Variants in STX18 observed in about 807,000 individuals in gnomAD.
STX18 encodes the protein syntaxin-18.
STX18 carries 40 observed loss-of-function variants against 50.1 expected under a neutral mutation model. That is an observed-to-expected ratio of 0.80 (90% confidence interval 0.62 to 1.04). The LOEUF is 1.04. Among genes scored for constraint, STX18 ranks in the 50% least tolerant of loss-of-function variants. The pLI is 0.00. For missense variants in STX18, 410 were observed against 415.8 expected, an observed-to-expected ratio of 0.99 and a Z score of 0.12; for synonymous variants, 158 against 151.8, an observed-to-expected ratio of 1.04 and a Z score of -0.30.
chr4:4,480,305 C>T (rs973729901), intron 1 of STX18, among the ~76,000 whole-genome samples: 1 of 152,202 alleles, frequency 6.6e-6, no homozygotes, highest in African/African-American at 2.4e-5. Context: ...ACATTACCTT[C>T]CCCTTTAACC....
chr4:4,523,756 C>T (rs1730626075), intron 1 of STX18, among the ~76,000 whole-genome samples: 1 of 152,206 alleles, frequency 6.6e-6, no homozygotes, highest in Non-Finnish European at 1.5e-5. Flanking sequence ...CTGCCGAATC[C>T]ACCAACTGCC....
intron 1 of STX18, among the ~76,000 whole-genome samples, chr4:4,500,398 C>G (rs1729392057): frequency 6.6e-6 from 1 of 152,128 alleles, no homozygotes; most frequent in Non-Finnish European, 1.5e-5. Flanking sequence ...TGTTACTATT[C>G]TCTAACCAAA....
chr4:4,516,787 A>G (rs1240254356), intron 1 of STX18, among the ~76,000 whole-genome samples: 2 of 152,188 alleles, frequency 1.3e-5, no homozygotes, highest in East Asian at 1.9e-4. Context: ...AAAAAAAGAG[A>G]AAAACTCCAA....
At chr4:4,460,594 C>A (rs62289814) in intron 2 of STX18, among the ~76,000 whole-genome samples, 1 of 152,100 alleles carries the variant, frequency 6.6e-6, no homozygotes, top group Non-Finnish European at 1.5e-5. Flanking sequence ...ATCCCACGGC[C>A]CCTACCCCAC....
chr4:4,471,381 GTTTCA>G (rs779108951), intron 2 of STX18, among the ~76,000 whole-genome samples: 10 of 152,192 alleles, frequency 6.6e-5, no homozygotes, highest in Admixed American at 5.2e-4. Flanking sequence ...TACTCATGGA[GTTTCA>G]TTTGACAGGA....
chr4:4,421,856 C>T (rs1185229560), intron 9 of STX18, among the ~76,000 whole-genome samples: 3 of 152,146 alleles, frequency 2.0e-5, no homozygotes, highest in Non-Finnish European at 4.4e-5. Flanking sequence ...TTACAGAAAA[C>T]GTTTACTCCA....
At chr4:4,508,988 T>C (rs1166525902) in intron 1 of STX18, among the ~76,000 whole-genome samples, 6 of 152,234 alleles carry the variant, frequency 3.9e-5, no homozygotes, top group African/African-American at 9.6e-5. Context: ...GTTGATTCCA[T>C]GTCTTTGCTA....
At chr4:4,423,682 A>C (rs1321057664) in intron 8 of STX18, 95 bp from the exon 9 acceptor site, 6 of 1,239,140 alleles carry the variant, frequency 4.8e-6, no homozygotes, top group Non-Finnish European at 6.6e-6. Context: ...CTTCTACGTG[A>C]AGGTGGGAGA....
In STX18 at chr4:4,419,894, CT is replaced by C; in HGVS notation, c.*139del. Reference sequence around the variant, plus strand: ...GGGTATCCCTTTTTGGGGAATACGTCTGTCTGTCTGAACTCCTTTCCCTTCA... The same window carrying C: ...GGGTATCCCTTTTTGGGGAATACGTCGTCTGTCTGAACTCCTTTCCCTTCA... On this transcript the variant is annotated 3_prime_UTR_variant, in exon 11 of 11. Coordinates refer to ENST00000306200, the MANE Select transcript of STX18 (RefSeq NM_016930.4). The C allele has an allele frequency of 1.4e-6, 1 of 707,606 alleles. No individual in the cohort carries two copies. Among genetic ancestry groups the C allele is most frequent in the Non-Finnish European group, 2.4e-6 (1 of 423,384 alleles). 43.8% of individuals were successfully genotyped at this position (707,606 alleles called of 1,614,324 possible).
chr4:4,439,692 A>G (rs1308233266), intron 5 of STX18, among the ~76,000 whole-genome samples: 1 of 151,922 alleles, frequency 6.6e-6, no homozygotes. Context: ...AATATAAGTT[A>G]GCTCTGAAAG....
At chr4:4,467,597 A>G (rs1727683439) in intron 2 of STX18, among the ~76,000 whole-genome samples, 1 of 152,160 alleles carries the variant, frequency 6.6e-6, no homozygotes, top group Admixed American at 6.5e-5. Context: ...CTATGCTTTC[A>G]TTGCCTGCCT....
At chr4:4,517,955 A>G (rs751042540) in intron 1 of STX18, among the ~76,000 whole-genome samples, 8 of 151,996 alleles carry the variant, frequency 5.3e-5, no homozygotes, top group African/African-American at 9.7e-5. Flanking sequence ...TTGTATTTTT[A>G]GTAGAGACGA....
intron 5 of STX18, among the ~76,000 whole-genome samples, chr4:4,448,803 C>T (rs1237626190): frequency 1.3e-5 from 2 of 152,186 alleles, no homozygotes; most frequent in Non-Finnish European, 2.9e-5. Context: ...CACCTAACCT[C>T]TAGGCCTTGG....
intron 2 of STX18, among the ~76,000 whole-genome samples, chr4:4,464,151 T>G (rs1727510204): frequency 6.6e-6 from 1 of 152,218 alleles, no homozygotes; most frequent in African/African-American, 2.4e-5. Context: ...TGATGTTATC[T>G]TATCTGTCAA....
At chr4:4,525,571 A>G (rs1484029069) in intron 1 of STX18, among the ~76,000 whole-genome samples, 4 of 152,170 alleles carry the variant, frequency 2.6e-5, no homozygotes, top group African/African-American at 7.2e-5. Flanking sequence ...TAGGAATACA[A>G]AGACCAAGAA....
At chr4:4,441,104 G>T (rs1331553020) in intron 5 of STX18, among the ~76,000 whole-genome samples, 1 of 152,222 alleles carries the variant, frequency 6.6e-6, no homozygotes, top group South Asian at 2.1e-4. Context: ...CTGGCTGCCT[G>T]CAGGGCTGGC....
chr4:4,481,205 G>A (rs1728441754), intron 1 of STX18, among the ~76,000 whole-genome samples: 1 of 152,218 alleles, frequency 6.6e-6, no homozygotes, highest in African/African-American at 2.4e-5. Context: ...TGACTGTGGG[G>A]AGAGTTCAAA....
chr4:4,469,154 T>C (rs1044014010), intron 2 of STX18, among the ~76,000 whole-genome samples: 1 of 152,072 alleles, frequency 6.6e-6, no homozygotes, highest in African/African-American at 2.4e-5. Flanking sequence ...AACCGAGCCA[T>C]ATGGTTGGCG....
chr4:4,427,749 C>G (rs969161244), intron 7 of STX18, among the ~76,000 whole-genome samples: 4 of 152,240 alleles, frequency 2.6e-5, no homozygotes, highest in African/African-American at 9.6e-5. Context: ...GGTGCGGCAC[C>G]TCCTCTTAGG....
Sources: allele counts gnomAD v4.1 joint callset (sites outside exome capture counted in the v4.1 genomes callset), GRCh38; gene constraint gnomAD v4.1.1; transcripts MANE v1.5; gene names NCBI Gene and HGNC (gene_info 2026-07-23, HGNC 2026-07-21).